ZNF431: variants seen among roughly 807,000 people sequenced by gnomAD.
ZNF431 encodes the protein zinc finger protein 431.
ZNF431 carries 34 observed loss-of-function variants against 57.0 expected under a neutral mutation model. That is an observed-to-expected ratio of 0.60 (90% CI 0.45 to 0.79). The LOEUF (loss-of-function observed/expected upper bound fraction) is 0.79, where lower values mean the gene tolerates loss of function less well. Ranked by LOEUF, ZNF431 falls within the 30% of genes least tolerant of loss-of-function variation. The probability of loss-of-function intolerance (pLI) is 0.00; values close to 1 mark genes in which losing one functional copy is unlikely to be tolerated. For missense variants in ZNF431, 607 were observed against 667.1 expected (o/e 0.91, Z 0.99); for synonymous variants, 207 against 220.3 (o/e 0.94, Z 0.54).
At chr19:21,150,762 A>T (rs1970247951) in intron 2 of ZNF431, among the ~76,000 whole-genome samples, 1 of 152,208 alleles carries the variant, frequency 6.6e-6, no homozygotes, top group African/African-American at 2.4e-5. Context: ...GCCATTAGCC[A>T]TTCCAAAAGT....
rs1372987011 is a variant in ZNF431 at position 21,187,785 on chromosome 19, C to G, written c.*3751C>G. 6.6e-6 allele frequency: 1 copy of G among 152,124 alleles called. No homozygotes were observed. Among genetic ancestry groups the G allele is most frequent in the Non-Finnish European group, 1.5e-5 (1 of 68,026 alleles). 9.4% of individuals were successfully genotyped at this position (152,124 alleles called of 1,614,324 possible). On this transcript the variant is annotated 3_prime_UTR_variant, in exon 5 of 5. Coordinates refer to ENST00000311048, the MANE Select transcript of ZNF431 (RefSeq NM_133473.4). The stretch of plus-strand genomic sequence containing the variant: ...ATTTTCTACTTCTCTTCAGATTTGT[C>G]TTATGCATTTTCCAACTATGTATGC...
intron 2 of ZNF431, among the ~76,000 whole-genome samples, chr19:21,162,177 TGTGTGTG>T (rs1970589340): frequency 1.3e-5 from 2 of 151,156 alleles, no homozygotes; most frequent in Non-Finnish European, 2.9e-5. Context: ...TGTGTGTGTG[TGTGTGTG>T]TTTTCTTGAA....
intron 2 of ZNF431, among the ~76,000 whole-genome samples, chr19:21,159,498 G>A (rs1350207038): frequency 6.6e-6 from 1 of 151,972 alleles, no homozygotes; most frequent in East Asian, 1.9e-4. Context: ...TCAGCCTCAC[G>A]AGTAGCTGGG....
chr19:21,143,406 TG>T, intron 1 of ZNF431, 144 bp from the exon 2 acceptor site: 1 of 632,434 alleles, frequency 1.6e-6, no homozygotes. Flanking sequence ...GGAAACTTTA[TG>T]GGGTGATGTG....
chr19:21,159,408 C>G (rs1202987027), intron 2 of ZNF431, among the ~76,000 whole-genome samples: 2 of 151,980 alleles, frequency 1.3e-5, no homozygotes, highest in African/African-American at 2.4e-5. Flanking sequence ...GAGTCTCACT[C>G]TGTTGCCAGG....
chr19:21,178,052 C>T (rs977520828), intron 4 of ZNF431, among the ~76,000 whole-genome samples: 4 of 152,040 alleles, frequency 2.6e-5, no homozygotes, highest in African/African-American at 9.7e-5. Context: ...GTTAGATTTA[C>T]TCCTTGGTAC....
At chr19:21,169,042 G>T (rs1004835318) in intron 4 of ZNF431, among the ~76,000 whole-genome samples, 6 of 152,048 alleles carry the variant, frequency 3.9e-5, no homozygotes, top group African/African-American at 1.4e-4. Flanking sequence ...CTCCTAAGTA[G>T]TTGGGATTAC....
chr19:21,166,598 T>C, intron 3 of ZNF431, 137 bp downstream of exon 3: 1 of 1,078,950 alleles, frequency 9.3e-7, no homozygotes, highest in African/African-American at 1.6e-5. Flanking sequence ...CTTGATGATT[T>C]GTCCGTGTGG....
rs71176821 is a variant in ZNF431 at position 21,147,605 on chromosome 19, GAAA to G, written c.96+3974_96+3976del. 9.5e-4 allele frequency among the ~76,000 whole-genome samples: 140 copies of G among 147,244 alleles called. 1 individual carries two copies. In the Middle Eastern group the frequency reaches 0.014, roughly 15 times the overall value. ...GGCAAAGTCTTAGGGCAGTCACAGTGAAAAAAAAAAAAAACCATGATTGACAAG... is the reference window on the plus strand; with the variant it reads ...GGCAAAGTCTTAGGGCAGTCACAGTGAAAAAAAAAAACCATGATTGACAAG... On this transcript the variant is annotated intron_variant, in intron 2 of 4. Coordinates refer to ENST00000311048, the MANE Select transcript of ZNF431 (RefSeq NM_133473.4).
chr19:21,169,166 G>C (rs1208381190), intron 4 of ZNF431, among the ~76,000 whole-genome samples: 1 of 151,980 alleles, frequency 6.6e-6, no homozygotes, highest in African/African-American at 2.4e-5. Context: ...GCCCCCCTCA[G>C]CCTCCCAAAA....
At chr19:21,153,152 G>A (rs1970321749) in intron 2 of ZNF431, among the ~76,000 whole-genome samples, 1 of 152,194 alleles carries the variant, frequency 6.6e-6, no homozygotes, top group South Asian at 2.1e-4. Flanking sequence ...TGGTGGGAGT[G>A]TAGCAGAGAG....
In ZNF431 at chr19:21,194,264, A is replaced by C. The variant is rs1971564654; in HGVS notation, c.*10230A>C. 1.3e-5 allele frequency: 2 copies of C among 152,212 alleles called. No individual in the cohort carries two copies. The highest frequency in any genetic ancestry group is 4.8e-5 in the African/African-American group (2 of 41,456). The allele number at this position is 152,212 out of a possible 1,614,324, so 9.4% of individuals were successfully genotyped here. ...GAACAGTTTTCTTTACAATAGCCAT[A>C]AACAAAAAATAATATACTTAGAAAT... On this transcript the variant is annotated 3_prime_UTR_variant, in exon 5 of 5. Transcript: ENST00000311048.
intron 3 of ZNF431, 115 bp downstream of exon 3, chr19:21,166,576 T>C: frequency 5.6e-6 from 7 of 1,239,914 alleles, no homozygotes; most frequent in Non-Finnish European, 7.7e-6. Context: ...TAATCCCAGT[T>C]TTCAAGAAAA....
intron 4 of ZNF431, among the ~76,000 whole-genome samples, chr19:21,177,753 A>C (rs1163818400): frequency 6.6e-6 from 1 of 152,038 alleles, no homozygotes; most frequent in African/African-American, 2.4e-5. Context: ...ATGCCATTGC[A>C]CTCCTGCCTG....
At chr19:21,162,143 ATTGTGTGTGTGTG>A (rs1054150402) in intron 2 of ZNF431, among the ~76,000 whole-genome samples, 73 of 49,960 alleles carry the variant, frequency 1.5e-3, no homozygotes, top group Non-Finnish European at 2.7e-3. Flanking sequence ...CATCCAGCTA[ATTGTGTGTGTGTG>A]TGTGTGTGTG....
intron 4 of ZNF431, among the ~76,000 whole-genome samples, chr19:21,168,123 C>G (rs888222141): frequency 5.3e-5 from 8 of 151,756 alleles, no homozygotes; most frequent in African/African-American, 1.9e-4. Context: ...CATATTTCAT[C>G]CTGTTTGTAT....
rs1336851135 is a variant in ZNF431 at position 21,187,092 on chromosome 19, T to G, written c.*3058T>G. On this transcript the variant is annotated 3_prime_UTR_variant, in exon 5 of 5. Coordinates refer to ENST00000311048, the MANE Select transcript of ZNF431 (RefSeq NM_133473.4). ...ATTCCTGCTGAAGTTAGTTTGTAAC[T>G]TCAAGTCAAAGATGAAAAATATCAA... The G allele has an allele frequency of 1.3e-5, 2 of 152,204 alleles. No homozygotes were observed. Among genetic ancestry groups the G allele is most frequent in the Non-Finnish European group, 2.9e-5 (2 of 68,034 alleles). The allele number at this position is 152,204 out of a possible 1,614,324, so 9.4% of individuals were successfully genotyped here. A position where few individuals can be genotyped will look rare whatever the true frequency, so the allele number is the denominator to read the frequency against.
chr19:21,143,218 T>C (rs1969987603), intron 1 of ZNF431, among the ~76,000 whole-genome samples: 1 of 152,220 alleles, frequency 6.6e-6, no homozygotes, highest in Non-Finnish European at 1.5e-5. Context: ...AATGACGCTT[T>C]TCAAAAAGTT....
chr19:21,145,500 A>G (rs957957285), intron 2 of ZNF431, among the ~76,000 whole-genome samples: 2 of 152,006 alleles, frequency 1.3e-5, no homozygotes, highest in Non-Finnish European at 2.9e-5. Flanking sequence ...GAAACAAATA[A>G]AAGCCCAGCT....
Sources: gnomAD v4.1 joint callset for allele counts (sites outside exome capture counted in the v4.1 genomes callset) on GRCh38, gnomAD v4.1.1 for gene constraint, MANE v1.5 for transcripts, NCBI Gene and HGNC (gene_info 2026-07-23, HGNC 2026-07-21) for gene names.